MECOM: variants seen among roughly 807,000 people sequenced by gnomAD.
MECOM encodes the protein histone-lysine N-methyltransferase MECOM.
Under a neutral mutation model 116.3 loss-of-function variants are expected in MECOM, and 13 were observed. The ratio of observed to expected loss-of-function variants is 0.11; its 90% confidence interval spans 0.07 to 0.18. The LOEUF (loss-of-function observed/expected upper bound fraction) is 0.18, where lower values mean the gene tolerates loss of function less well. MECOM is among the 10% of genes least tolerant of loss of function. The pLI, the probability that MECOM is intolerant of heterozygous loss-of-function variation, is 1.00. For synonymous variants in MECOM, 528 were observed against 535.2 expected (o/e 0.99, Z 0.19); for missense variants, 1,299 against 1,509.0 (o/e 0.86, Z 2.31).
At chr3:169,124,085 T>G (rs1452009948) in intron 5 of MECOM, among the ~76,000 whole-genome samples, 1 of 152,110 alleles carries the variant, frequency 6.6e-6, no homozygotes, top group East Asian at 1.9e-4. Context: ...TAGAGTACAT[T>G]CGTTTTGAAG....
intron 16 of MECOM, 97 bp from the exon 17 acceptor site, chr3:169,085,140 T>G (rs949805261): frequency 1.4e-6 from 2 of 1,443,022 alleles, no homozygotes; most frequent in South Asian, 1.2e-5. Context: ...GATGGGACCC[T>G]GAGTAGGGGC....
chr3:169,608,278 C>T (rs1345428057), intron 1 of MECOM, among the ~76,000 whole-genome samples: 6 of 152,198 alleles, frequency 3.9e-5, no homozygotes, highest in Admixed American at 2.0e-4. Flanking sequence ...GGTGCTGTCC[C>T]TCCATGGGTT....
At chr3:169,106,859 C>A (rs561873750) in intron 10 of MECOM, among the ~76,000 whole-genome samples, 1 of 152,104 alleles carries the variant, frequency 6.6e-6, no homozygotes, top group African/African-American at 2.4e-5. Flanking sequence ...AAAACAACCC[C>A]ATCTATTGCA....
rs1192154651 is a variant in MECOM, at chr3:169,143,746, A to C, written c.462T>G (p.Ala154=). The change falls in exon 3 of 17, where the codon GCT becomes GCG. Residue 154 remains alanine (A), a synonymous_variant. Transcript: ENST00000651503. ...VGSWLKYIRF[A]GCYDQHNLVA... ...CAAGGTTGTGCTGATCATAACAGCC[A>C]GCGAATCTAATGTACTTGAGCCAGC... 6.2e-7 allele frequency: 1 copy of C among 1,611,748 alleles called. No homozygotes were observed. Among genetic ancestry groups the C allele is most frequent in the South Asian group, 1.1e-5 (1 of 90,598 alleles).
chr3:169,605,368 ATTTTTAAACT>A (rs879332851), intron 1 of MECOM, among the ~76,000 whole-genome samples: 37 of 152,330 alleles, frequency 2.4e-4, no homozygotes, highest in Non-Finnish European at 4.9e-4. Flanking sequence ...AGAGTTATAT[ATTTTTAAACT>A]CAGACACATG....
At chr3:169,285,290 G>T (rs1021158235) in intron 2 of MECOM, among the ~76,000 whole-genome samples, 1 of 152,112 alleles carries the variant, frequency 6.6e-6, no homozygotes, top group Non-Finnish European at 1.5e-5. Context: ...CTTCTGTGGC[G>T]TTTTGACAGT....
At chr3:169,343,464 C>T (rs1237835346) in intron 2 of MECOM, among the ~76,000 whole-genome samples, 1 of 152,120 alleles carries the variant, frequency 6.6e-6, no homozygotes, top group East Asian at 1.9e-4. Flanking sequence ...TAACTCTGTA[C>T]TCTGGCTCTG....
chr3:169,472,354 C>G (rs2108792203), intron 1 of MECOM, among the ~76,000 whole-genome samples: 2 of 147,496 alleles, frequency 1.4e-5, no homozygotes, highest in Middle Eastern at 6.9e-3. Flanking sequence ...TGAATCCAGC[C>G]TGGGCAATAT....
Position 169,378,446 on chromosome 3 carries a change from AAAGAAGGAAAGCAAGCAAGCAAGC to A in MECOM, c.375+2717_375+2740del, listed in dbSNP as rs1429157602. Among the ~76,000 whole-genome samples, 48 of 80,416 alleles carry A rather than the reference AAAGAAGGAAAGCAAGCAAGCAAGC, an allele frequency of 6.0e-4. 1 individual carries two copies. The highest frequency in any genetic ancestry group is 2.8e-3 in the African/African-American group (35 of 12,320). The allele number at this position is 80,416 out of a possible 152,430, so 52.8% of individuals were successfully genotyped here. A position where few individuals can be genotyped will look rare whatever the true frequency, so the allele number is the denominator to read the frequency against. The stretch of plus-strand genomic sequence containing the variant: ...GAAAGAAAGAAAGAAAGAAAGAAAG[AAAGAAGGAAAGCAAGCAAGCAAGC>A]AAGCAAGAAAGAGAGAGAGAAAGAA... On this transcript the variant is annotated intron_variant, in intron 2 of 16. Transcript: ENST00000651503.
chr3:169,554,818 C>T (rs904534234), intron 1 of MECOM, among the ~76,000 whole-genome samples: 9 of 152,130 alleles, frequency 5.9e-5, no homozygotes, highest in African/African-American at 2.2e-4. Flanking sequence ...GGACCAGGAA[C>T]AACAAACAAG....
At chr3:169,199,304 G>A (rs1748851089) in intron 2 of MECOM, among the ~76,000 whole-genome samples, 1 of 152,028 alleles carries the variant, frequency 6.6e-6, no homozygotes, top group Non-Finnish European at 1.5e-5. Flanking sequence ...TGATGATAGA[G>A]GCCCTCTTTG....
chr3:169,364,914 T>C (rs1308163720), intron 2 of MECOM, among the ~76,000 whole-genome samples: 1 of 152,094 alleles, frequency 6.6e-6, no homozygotes, highest in Non-Finnish European at 1.5e-5. Flanking sequence ...CTTTGATTCC[T>C]GGCTTGCATA....
chr3:169,153,008 T>G (rs911772813), intron 2 of MECOM, among the ~76,000 whole-genome samples: 3 of 152,232 alleles, frequency 2.0e-5, no homozygotes, highest in African/African-American at 7.2e-5. Flanking sequence ...GTTTTATTTT[T>G]TAAACTCCAG....
chr3:169,098,581 T>C (rs1326489682), intron 12 of MECOM, among the ~76,000 whole-genome samples: 1 of 152,220 alleles, frequency 6.6e-6, no homozygotes, highest in Non-Finnish European at 1.5e-5. Context: ...GTTTGTCCAT[T>C]ATAAGGTTAT....
intron 2 of MECOM, among the ~76,000 whole-genome samples, chr3:169,286,046 C>G (rs964224915): frequency 6.6e-6 from 1 of 152,196 alleles, no homozygotes; most frequent in African/African-American, 2.4e-5. Flanking sequence ...AAATCAGATG[C>G]ATTTGTAAAG....
At chr3:169,166,607 CAG>C (rs1292127285) in intron 2 of MECOM, among the ~76,000 whole-genome samples, 1 of 151,904 alleles carries the variant, frequency 6.6e-6, no homozygotes, top group African/African-American at 2.4e-5. Flanking sequence ...CATGTAAAAA[CAG>C]AGACAGAATA....
At chr3:169,393,138 C>T (rs942013218) in intron 1 of MECOM, among the ~76,000 whole-genome samples, 1 of 152,088 alleles carries the variant, frequency 6.6e-6, no homozygotes, top group African/African-American at 2.4e-5. Flanking sequence ...GAAACTCCCA[C>T]CAGCCTACAA....
At chr3:169,634,338 C>T (rs1320114062) in intron 1 of MECOM, among the ~76,000 whole-genome samples, 1 of 152,100 alleles carries the variant, frequency 6.6e-6, no homozygotes, top group Non-Finnish European at 1.5e-5. Context: ...CCCTAATTTA[C>T]AGAGCTTTTG....
At chr3:169,097,261 T>A (rs1316462240) in intron 12 of MECOM, among the ~76,000 whole-genome samples, 2 of 152,130 alleles carry the variant, frequency 1.3e-5, no homozygotes, top group Non-Finnish European at 1.5e-5. Context: ...GTAAGCACCA[T>A]CTTCTCAAAT....
Sources: gnomAD v4.1 joint callset for allele counts (sites outside exome capture counted in the v4.1 genomes callset) on GRCh38, gnomAD v4.1.1 for gene constraint, MANE v1.5 for transcripts, NCBI Gene and HGNC (gene_info 2026-07-23, HGNC 2026-07-21) for gene names.